Variants in COL4A2 observed in about 807,000 individuals in gnomAD.
COL4A2 encodes the protein collagen type IV alpha 2 chain.
In COL4A2, 99 loss-of-function variants were observed where a neutral mutation model predicts 200.2. That is an observed-to-expected ratio of 0.49 (90% CI 0.42 to 0.58). The LOEUF is 0.58. Among genes scored for constraint, COL4A2 ranks in the 20% least tolerant of loss-of-function variants. The pLI is 0.00. For missense variants in COL4A2, 1,950 were observed against 2,314.1 expected (o/e 0.84, Z 3.23); for synonymous variants, 897 against 900.6 (o/e 1.00, Z 0.07).
intron 3 of COL4A2, among the ~76,000 whole-genome samples, chr13:110,351,322 G>C (rs1413446948): frequency 6.6e-6 from 1 of 152,152 alleles, no homozygotes; most frequent in African/African-American, 2.4e-5. Flanking sequence ...CGATCTGCCT[G>C]CCTGGGTCTC....
chr13:110,330,269 G>A (rs1414013030), intron 3 of COL4A2, among the ~76,000 whole-genome samples: 1 of 152,168 alleles, frequency 6.6e-6, no homozygotes. Context: ...GCAGACAACT[G>A]ACGTGTCAGC....
At chr13:110,467,623 G>T (rs1297557299) in intron 27 of COL4A2, among the ~76,000 whole-genome samples, 1 of 152,246 alleles carries the variant, frequency 6.6e-6, no homozygotes, top group Non-Finnish European at 1.5e-5. Flanking sequence ...CCTTCACAGA[G>T]CCCATGCCTA....
chr13:110,343,671 C>T (rs1032597194), intron 3 of COL4A2, among the ~76,000 whole-genome samples: 1 of 152,226 alleles, frequency 6.6e-6, no homozygotes, highest in African/African-American at 2.4e-5. Context: ...TGAGCCTGCC[C>T]GGGCAGCGCA....
intron 17 of COL4A2, 87 bp from the exon 18 acceptor site, chr13:110,446,711 C>A: frequency 3.4e-6 from 4 of 1,174,878 alleles, no homozygotes; most frequent in Non-Finnish European, 4.9e-6. Flanking sequence ...ACGGTCCACG[C>A]TCGGGTTTCT....
chr13:110,506,572 C>T lies in COL4A2; in HGVS notation c.4560C>T (p.Phe1520=), dbSNP rs369249228. The T allele has an allele frequency of 1.1e-5, 17 of 1,612,704 alleles. No individual in the cohort carries two copies. In the Admixed American group the frequency reaches 1.3e-4, roughly 13 times the overall value. ...GGAGTGGATACAGCCTGCTGTACTT[C>T]GAGGGCCAGGAGAAGGCGCACAACC... is the stretch of plus-strand genomic sequence containing the variant. ...KLWSGYSLLY[F]EGQEKAHNQD... Residue 1520 remains phenylalanine (F), a synonymous_variant, in exon 46 of 48, where the codon TTC becomes TTT. Coordinates refer to ENST00000360467, the MANE Select transcript of COL4A2 (RefSeq NM_001846.4).
chr13:110,331,411 C>T (rs1272942175), intron 3 of COL4A2, among the ~76,000 whole-genome samples: 1 of 152,186 alleles, frequency 6.6e-6, no homozygotes, highest in Admixed American at 6.5e-5. Context: ...GGCTTATTAA[C>T]GTCAACAGTG....
At position 110,511,391 on chromosome 13, in the gene COL4A2, A is replaced by T. The variant is rs373217999; in HGVS notation, c.4882-543A>T. ...TCAGCAAGTACAGATTTAAAAAAAA[A>T]AATAAAACCACTCATCTTTCCTCCC... On this transcript the variant is annotated intron_variant, in intron 47 of 47. Transcript: ENST00000360467. Among the ~76,000 whole-genome samples, 88 of 152,328 alleles carry T rather than the reference A, an allele frequency of 5.8e-4. 1 individual carries two copies. The South Asian group carries it at 0.013, about 23-fold the overall frequency.
chr13:110,324,469 G>A (rs568765024), intron 3 of COL4A2, among the ~76,000 whole-genome samples: 3 of 152,360 alleles, frequency 2.0e-5, no homozygotes, highest in African/African-American at 7.2e-5. Context: ...GTCCACAGGG[G>A]AGGGGAGGTC....
intron 4 of COL4A2, among the ~76,000 whole-genome samples, chr13:110,382,441 G>T (rs1878527278): frequency 6.6e-6 from 1 of 152,192 alleles, no homozygotes; most frequent in African/African-American, 2.4e-5. Context: ...CAGTAAATGA[G>T]TAAAGTATCA....
intron 4 of COL4A2, among the ~76,000 whole-genome samples, chr13:110,374,604 A>G (rs1441714903): frequency 6.6e-6 from 1 of 152,206 alleles, no homozygotes. Flanking sequence ...TGTTCCAGGA[A>G]CTGGCAAATC....
chr13:110,361,988 G>C (rs942815085), intron 4 of COL4A2, among the ~76,000 whole-genome samples: 23 of 152,182 alleles, frequency 1.5e-4, no homozygotes, highest in African/African-American at 5.1e-4. Context: ...CAAAACTCAA[G>C]TCTGGGGACT....
At chr13:110,486,833 G>A (rs960526528) in intron 34 of COL4A2, among the ~76,000 whole-genome samples, 1 of 152,174 alleles carries the variant, frequency 6.6e-6, no homozygotes, top group Non-Finnish European at 1.5e-5. Flanking sequence ...GGCTGAGCCA[G>A]GAGAAGGAAT....
intron 3 of COL4A2, among the ~76,000 whole-genome samples, chr13:110,330,182 G>A (rs376764944): frequency 1.3e-5 from 2 of 152,242 alleles, no homozygotes; most frequent in African/African-American, 4.8e-5. Flanking sequence ...TTTGTTTTGC[G>A]AGTCACTCTT....
chr13:110,397,968 C>T (rs1879238159), intron 4 of COL4A2, among the ~76,000 whole-genome samples: 2 of 152,156 alleles, frequency 1.3e-5, no homozygotes, highest in African/African-American at 2.4e-5. Context: ...GAGAAGAAGT[C>T]ATCTCTGCTG....
At chr13:110,405,328 G>A (rs1026717854) in intron 4 of COL4A2, among the ~76,000 whole-genome samples, 8 of 152,108 alleles carry the variant, frequency 5.3e-5, no homozygotes, top group Non-Finnish European at 1.2e-4. Flanking sequence ...GTGGAGGTTC[G>A]GGAAGGGTGG....
At chr13:110,350,869 G>A (rs1052285573) in intron 3 of COL4A2, among the ~76,000 whole-genome samples, 1 of 152,114 alleles carries the variant, frequency 6.6e-6, no homozygotes, top group Non-Finnish European at 1.5e-5. Context: ...CTTCAGACAA[G>A]CACTCATGAC....
intron 4 of COL4A2, among the ~76,000 whole-genome samples, chr13:110,373,156 T>G (rs1878090641): frequency 6.6e-6 from 1 of 152,258 alleles, no homozygotes; most frequent in Admixed American, 6.5e-5. Flanking sequence ...TCTGATCCAC[T>G]TGAATAGCAC....
intron 29 of COL4A2, among the ~76,000 whole-genome samples, chr13:110,477,301 G>A (rs1431371361): frequency 2.0e-5 from 3 of 152,230 alleles, no homozygotes; most frequent in Non-Finnish European, 2.9e-5. Context: ...CGGATCCCCC[G>A]ACACCACGTT....
At chr13:110,430,156 C>T in intron 8 of COL4A2, 200 bp downstream of exon 8, 1 of 684,164 alleles carries the variant, frequency 1.5e-6, no homozygotes, top group Non-Finnish European at 2.2e-6. Flanking sequence ...TTATCTCTTT[C>T]CCATATTCAC....
Sources: gnomAD v4.1 joint callset for allele counts (sites outside exome capture counted in the v4.1 genomes callset) on GRCh38, gnomAD v4.1.1 for gene constraint, MANE v1.5 for transcripts, NCBI Gene and HGNC (gene_info 2026-07-23, HGNC 2026-07-21) for gene names.